Variants in AFDN observed in about 807,000 individuals in gnomAD.
AFDN encodes the protein afadin.
AFDN carries 68 observed loss-of-function variants against 216.6 expected under a neutral mutation model. The observed-to-expected ratio is 0.31, with a 90% CI of 0.26 to 0.38. AFDN has a LOEUF of 0.38. Among genes scored for constraint, AFDN ranks in the 10% least tolerant of loss-of-function variants. AFDN has a pLI of 1.00. For synonymous variants in AFDN, 868 were observed against 853.7 expected (o/e 1.02, Z -0.29); for missense variants, 2,136 against 2,342.0 (o/e 0.91, Z 1.82).
chr6:167,889,220 G>A lies in AFDN; in HGVS notation c.903G>A (p.Met301Ile). 1 of 1,612,044 alleles carries A rather than the reference G, an allele frequency of 6.2e-7. No homozygotes were observed. Among genetic ancestry groups the A allele is most frequent in the Non-Finnish European group, 8.5e-7 (1 of 1,178,836 alleles). The change falls in exon 7 of 34, where the codon ATG becomes ATA. Residue 301 changes from methionine to isoleucine, a missense_variant. By Grantham distance (10) the Met-to-Ile change is conservative. This residue lies in a region of AFDN where 817 missense variants were observed against 965.7 expected (regional missense o/e 0.85). Coordinates refer to ENST00000683244, the MANE Select transcript of AFDN (RefSeq NM_001386888.1). ...AATTATTTTTGTTTTTTTAGGTTAT[G>A]CTTCCTCCTGGAGCCCAGCATTCTG... ...NPKDYCIARV[M>I]LPPGAQHSDE...
chr6:167,857,409 T>C (rs1783029654), intron 1 of AFDN, among the ~76,000 whole-genome samples: 1 of 152,108 alleles, frequency 6.6e-6, no homozygotes, highest in Admixed American at 6.6e-5. Flanking sequence ...AGTTGATTAG[T>C]TGTACTCAAA....
intron 1 of AFDN, among the ~76,000 whole-genome samples, chr6:167,844,175 GAA>G (rs1491268966): frequency 4.3e-4 from 51 of 119,184 alleles, no homozygotes; most frequent in Admixed American, 1.6e-3. Context: ...ACTCAAAAAT[GAA>G]GTGTGTGTGT....
intron 12 of AFDN, among the ~76,000 whole-genome samples, chr6:167,904,573 T>C (rs1337536562): frequency 6.6e-6 from 1 of 152,202 alleles, no homozygotes; most frequent in Non-Finnish European, 1.5e-5. Context: ...ATATTTCAAA[T>C]TAAATCTAGC....
chr6:167,904,253 G>C (rs1370487196), intron 12 of AFDN, among the ~76,000 whole-genome samples: 8 of 150,718 alleles, frequency 5.3e-5, no homozygotes, highest in Non-Finnish European at 1.0e-4. Context: ...CTCTCTCCCA[G>C]TTTGGAGTGC....
At chr6:167,840,077 G>A (rs1332494930) in intron 1 of AFDN, among the ~76,000 whole-genome samples, 1 of 152,152 alleles carries the variant, frequency 6.6e-6, no homozygotes, top group Non-Finnish European at 1.5e-5. Context: ...TGTGAAGAGG[G>A]GAGACCCGGT....
intron 23 of AFDN, among the ~76,000 whole-genome samples, chr6:167,936,428 A>C (rs183809243): frequency 1.3e-5 from 2 of 152,358 alleles, no homozygotes; most frequent in African/African-American, 4.8e-5. Context: ...TTGTGTGCGC[A>C]TGTAAATATA....
At chr6:167,961,824 G>A (rs1263038518) in intron 30 of AFDN, among the ~76,000 whole-genome samples, 1 of 152,068 alleles carries the variant, frequency 6.6e-6, no homozygotes, top group Non-Finnish European at 1.5e-5. Context: ...CCTGAGTCGG[G>A]AGGGAATTCT....
At chr6:167,901,544 C>T (rs1490137772) in intron 11 of AFDN, among the ~76,000 whole-genome samples, 2 of 152,118 alleles carry the variant, frequency 1.3e-5, no homozygotes, top group Non-Finnish European at 2.9e-5. Context: ...CTAACATTAT[C>T]AAAAATGTCC....
At chr6:167,964,794 A>G in intron 31 of AFDN, 4 of 1,066,194 alleles carry the variant, frequency 3.8e-6, no homozygotes, top group Non-Finnish European at 4.5e-6. Context: ...ATTGTACTTC[A>G]TTTCACAGCA....
At position 167,941,715 on chromosome 6, in the gene AFDN, G is replaced by A. The variant is rs6920704; in HGVS notation, c.3100-1414G>A. On this transcript the variant is annotated intron_variant, in intron 23 of 33. Coordinates refer to ENST00000683244, the MANE Select transcript of AFDN (RefSeq NM_001386888.1). ...TGGACAGACACAGAGGGATGTAGGG[G>A]TGAGGGTGGAAACCATCCACAGGAG... 5.3e-3 allele frequency among the ~76,000 whole-genome samples: 308 copies of A among 57,610 alleles called. 7 individuals carry two copies. Among genetic ancestry groups the A allele is most frequent in the African/African-American group, 0.026 (278 of 10,720 alleles). 37.8% of individuals were successfully genotyped at this position (57,610 alleles called of 152,430 possible).
chr6:167,878,607 G>GTCTC (rs10677317), intron 5 of AFDN, among the ~76,000 whole-genome samples: 46,915 of 149,084 alleles, frequency 0.31, 7,899 homozygotes, highest in East Asian at 0.59. Context: ...CTCTCTCTCT[G>GTCTC]TCTCTCTCTC....
At chr6:167,943,101 C>T (rs373238922) in intron 23 of AFDN, 28 bp from the exon 24 acceptor site, 248 of 1,591,776 alleles carry the variant, frequency 1.6e-4, no homozygotes, top group Non-Finnish European at 2.0e-4. Context: ...ATCTTCAATG[C>T]AGTGTTTTCG....
intron 6 of AFDN, among the ~76,000 whole-genome samples, chr6:167,886,828 A>G (rs1786881817): frequency 6.6e-6 from 1 of 152,086 alleles, no homozygotes; most frequent in Non-Finnish European, 1.5e-5. Flanking sequence ...CACTGAGGGC[A>G]GGAACTTGAA....
rs116729204 is a variant in AFDN, at chr6:167,932,261, A to G, written c.3099+7170A>G. Among the ~76,000 whole-genome samples, 552 of 152,214 alleles carry G rather than the reference A, an allele frequency of 3.6e-3. 6 individuals carry two copies. The highest frequency in any genetic ancestry group is 0.013 in the African/African-American group (521 of 41,534). On this transcript the variant is annotated intron_variant, in intron 23 of 33. Coordinates refer to ENST00000683244, the MANE Select transcript of AFDN (RefSeq NM_001386888.1). The stretch of plus-strand genomic sequence containing the variant: ...GGGGTAGCTGCTGTAACCCTGAACC[A>G]TGTTTTGATGTTAAGTTCCCTGACT...
intron 8 of AFDN, among the ~76,000 whole-genome samples, chr6:167,892,310 A>G (rs1371875167): frequency 6.6e-6 from 1 of 152,200 alleles, no homozygotes; most frequent in Non-Finnish European, 1.5e-5. Flanking sequence ...AACACATCCC[A>G]GTATTGTTGT....
chr6:167,907,357 G>C, intron 13 of AFDN, 68 bp downstream of exon 13: 1 of 1,256,176 alleles, frequency 8.0e-7, no homozygotes, highest in Non-Finnish European at 1.2e-6. Flanking sequence ...TTGGGATAAA[G>C]ATTGTTGAAT....
chr6:167,905,060 G>T (rs980442782), intron 12 of AFDN, among the ~76,000 whole-genome samples: 4 of 152,210 alleles, frequency 2.6e-5, no homozygotes, highest in Middle Eastern at 3.4e-3. Flanking sequence ...CCTTTCTTGT[G>T]CTAGTGTTTG....
At position 167,831,719 on chromosome 6, in the gene AFDN, T is replaced by A. The variant is rs928103726; in HGVS notation, c.105+4482T>A. ...TTGAAAAACAGGGATCATAAATGAT[T>A]AGGATATGATACCAAATTGGTGAGA... On this transcript the variant is annotated intron_variant, in intron 1 of 33. Coordinates refer to ENST00000683244, the MANE Select transcript of AFDN (RefSeq NM_001386888.1). 3.3e-5 allele frequency among the ~76,000 whole-genome samples: 5 copies of A among 152,318 alleles called. No individual in the cohort carries two copies. The East Asian group carries it at 9.6e-4, about 29-fold the overall frequency.
At chr6:167,933,348 T>G (rs1793565488) in intron 23 of AFDN, among the ~76,000 whole-genome samples, 1 of 152,226 alleles carries the variant, frequency 6.6e-6, no homozygotes, top group African/African-American at 2.4e-5. Flanking sequence ...TCCTATGCCC[T>G]AAAAATGAGA....
Sources: gnomAD v4.1 joint callset for allele counts (sites outside exome capture counted in the v4.1 genomes callset) on GRCh38, gnomAD v4.1.1 for gene constraint, gnomAD v4.1.1 regional missense constraint, MANE v1.5 for transcripts, NCBI Gene and HGNC (gene_info 2026-07-23, HGNC 2026-07-21) for gene names.